Variants in AACS observed in about 807,000 individuals in gnomAD.
AACS encodes acetoacetyl-CoA synthetase.
In AACS, 69 loss-of-function variants were observed where a neutral mutation model predicts 83.1. The ratio of observed to expected loss-of-function variants is 0.83; its 90% CI spans 0.68 to 1.01. AACS has a LOEUF of 1.01. AACS is among the 50% of genes least tolerant of loss of function. AACS has a pLI of 0.00. For synonymous variants in AACS, 333 were observed against 343.4 expected, an observed-to-expected ratio of 0.97 and a Z score of 0.33; for missense variants, 866 against 882.2, an observed-to-expected ratio of 0.98 and a Z score of 0.23.
intron 7 of AACS, among the ~76,000 whole-genome samples, chr12:125,106,031 C>T (rs925905476): frequency 3.3e-5 from 5 of 152,210 alleles, no homozygotes; most frequent in Non-Finnish European, 5.9e-5. Context: ...TTTTAAACCA[C>T]CATGTCTTCC....
intron 5 of AACS, chr12:125,102,464 T>G: frequency 6.2e-6 from 3 of 485,306 alleles, no homozygotes; most frequent in Admixed American, 3.3e-5. Flanking sequence ...CTACTGAAGG[T>G]TTTTGCCATT....
At position 125,094,370 on chromosome 12, in the gene AACS, A is replaced by G. The variant is rs574941537; in HGVS notation, c.570+2847A>G. ...AATTATATTTCTTTGAATCTCAGAG[A>G]ATATCGTAAAGGGAAATTGCCACTC... On this transcript the variant is annotated intron_variant, in intron 5 of 17. Transcript: ENST00000316519. The surrounding 1 kb of genome is among the most constrained non-coding windows in gnomAD (Gnocchi z 4.1). 2.0e-5 allele frequency among the ~76,000 whole-genome samples: 3 copies of G among 152,122 alleles called. No individual in the cohort carries two copies. The highest frequency in any genetic ancestry group is 7.2e-5 in the African/African-American group (3 of 41,406).
Position 125,131,876 on chromosome 12 carries a change from C to T in AACS, c.1550-2127C>T, listed in dbSNP as rs140757817. ...CCTCCCAAAGTGCTGGGATTACAGG[C>T]GTGAGCCACCAGGCCTGACCACTTT... On this transcript the variant is annotated intron_variant, in intron 14 of 17. Coordinates refer to ENST00000316519, the MANE Select transcript of AACS (RefSeq NM_023928.5). Among the ~76,000 whole-genome samples the T allele has an allele frequency of 9.5e-4, 144 of 152,324 alleles. 1 individual carries two copies. The highest frequency in any genetic ancestry group is 3.3e-3 in the African/African-American group (139 of 41,574).
Position 125,129,569 on chromosome 12 carries a change from C to T in AACS, c.1549+109C>T. The T allele has an allele frequency of 7.3e-7, 1 of 1,376,624 alleles. No individual in the cohort carries two copies. 85.3% of individuals were successfully genotyped at this position (1,376,624 alleles called of 1,614,324 possible). On this transcript the variant is annotated intron_variant, in intron 14 of 17. Transcript: ENST00000316519. This position sits in a 1 kb window ranked among gnomAD's most constrained non-coding sequence, Gnocchi z 4.3. ...TCCCCTCTTCCTTCCCCCACCAGGG[C>T]TTGGAGAAGCTGCTTATAGTTCATT...
At chr12:125,124,582 A>G in intron 10 of AACS, 123 bp from the exon 11 acceptor site, 6 of 1,131,738 alleles carry the variant, frequency 5.3e-6, no homozygotes, top group Non-Finnish European at 7.6e-6. Flanking sequence ...TATGAGTTCA[A>G]CCCAGAAAAC....
In AACS at chr12:125,130,290, T is replaced by G. The variant is rs997794925; in HGVS notation, c.1549+830T>G. Among the ~76,000 whole-genome samples, 4 of 152,266 alleles carry G rather than the reference T, an allele frequency of 2.6e-5. No homozygotes were observed. The highest frequency in any genetic ancestry group is 4.4e-5 in the Non-Finnish European group (3 of 68,054). ...AGCCATTGTGCCTGGAATAGTGCCTTCCTGCAGCAGCGTGGGGCATCCCCC... is the reference window on the plus strand; with the variant it reads ...AGCCATTGTGCCTGGAATAGTGCCTGCCTGCAGCAGCGTGGGGCATCCCCC... On this transcript the variant is annotated intron_variant, in intron 14 of 17. Transcript: ENST00000316519. This position sits in a 1 kb window ranked among gnomAD's most constrained non-coding sequence, Gnocchi z 4.9.
In AACS at chr12:125,142,377, T is replaced by C. The variant is rs1005992072; in HGVS notation, c.*148T>C. The C allele has an allele frequency of 1.2e-5, 14 of 1,160,646 alleles. No homozygotes were observed. The highest frequency in any genetic ancestry group is 2.8e-5 in the Admixed American group (1 of 35,724). 71.9% of individuals were successfully genotyped at this position (1,160,646 alleles called of 1,614,324 possible). ...CTTGGGGAGGGATCGTTTCTCTGTT[T>C]TGTTAAATCTGGTGGGTACCTGGAT... On this transcript the variant is annotated 3_prime_UTR_variant, in exon 18 of 18. Coordinates refer to ENST00000316519, the MANE Select transcript of AACS (RefSeq NM_023928.5).
In AACS at chr12:125,129,508, G is replaced by A; in HGVS notation, c.1549+48G>A. On this transcript the variant is annotated intron_variant, in intron 14 of 17. Transcript: ENST00000316519. The surrounding 1 kb of genome is among the most constrained non-coding windows in gnomAD (Gnocchi z 4.3). ...GAGCTGGCCAGCCTCTGCCTTGGCT[G>A]GGCCTTCTGTGTCTAATTCTGTACC... is the stretch of plus-strand genomic sequence containing the variant. 6.3e-7 allele frequency: 1 copy of A among 1,596,968 alleles called. No homozygotes were observed. The highest frequency in any genetic ancestry group is 8.5e-7 in the Non-Finnish European group (1 of 1,171,996).
chr12:125,101,164 G>C (rs1339326680), intron 5 of AACS: 1 of 152,222 alleles, frequency 6.6e-6, no homozygotes, highest in Non-Finnish European at 1.5e-5. Flanking sequence ...ATGGCCAGGA[G>C]GGAAGTGAAT....
intron 14 of AACS, among the ~76,000 whole-genome samples, chr12:125,132,559 A>G (rs1957343258): frequency 6.6e-6 from 1 of 151,696 alleles, no homozygotes; most frequent in African/African-American, 2.4e-5. Context: ...AGGCACATCC[A>G]TTGCAAGCCT....
chr12:125,109,385 G>A (rs1010691672), intron 8 of AACS, among the ~76,000 whole-genome samples: 20 of 152,150 alleles, frequency 1.3e-4, no homozygotes, highest in Admixed American at 7.9e-4. Context: ...CTGAGTGCTG[G>A]AATTACAGGC....
At chr12:125,090,241 C>G (rs1296119159) in intron 4 of AACS, among the ~76,000 whole-genome samples, 8 of 151,484 alleles carry the variant, frequency 5.3e-5, no homozygotes, top group African/African-American at 1.9e-4. Flanking sequence ...TATGCTTCCA[C>G]CCATCATCTA....
chr12:125,073,347 A>G (rs1332339135), intron 1 of AACS, among the ~76,000 whole-genome samples: 1 of 152,226 alleles, frequency 6.6e-6, no homozygotes, highest in Admixed American at 6.5e-5. Context: ...TCAACAGACT[A>G]CCAGTTTTGA....
At chr12:125,132,270 A>G (rs1957339127) in intron 14 of AACS, among the ~76,000 whole-genome samples, 1 of 152,240 alleles carries the variant, frequency 6.6e-6, no homozygotes, top group African/African-American at 2.4e-5. Context: ...ACATTTCTTC[A>G]GAGTGGATTT....
intron 3 of AACS, among the ~76,000 whole-genome samples, chr12:125,079,508 A>G (rs1029916944): frequency 5.3e-5 from 8 of 151,916 alleles, no homozygotes; most frequent in African/African-American, 1.9e-4. Flanking sequence ...TAGCCTCCTG[A>G]GTAGCTGGGA....
intron 1 of AACS, among the ~76,000 whole-genome samples, chr12:125,070,459 A>G (rs1368674680): frequency 6.6e-6 from 1 of 152,186 alleles, no homozygotes; most frequent in East Asian, 1.9e-4. Context: ...TGATCATGCC[A>G]CTGCACTCCA....
intron 10 of AACS, chr12:125,122,043 G>A (rs1256440587): frequency 6.6e-6 from 1 of 152,348 alleles, no homozygotes; most frequent in African/African-American, 2.4e-5. Flanking sequence ...GAGTCCTCGA[G>A]AGGTCTTGGC....
At chr12:125,112,950 A>G (rs1351896552) in intron 8 of AACS, among the ~76,000 whole-genome samples, 1 of 152,224 alleles carries the variant, frequency 6.6e-6, no homozygotes, top group Non-Finnish European at 1.5e-5. Context: ...ATTATCTCCC[A>G]CCTTGTCCCT....
intron 5 of AACS, among the ~76,000 whole-genome samples, chr12:125,092,036 G>C (rs1592962453): frequency 6.6e-6 from 1 of 152,330 alleles, no homozygotes; most frequent in African/African-American, 2.4e-5. Context: ...GGTGTGTCCA[G>C]CTGCCCAGAG....
Sources: allele counts gnomAD v4.1 joint callset (sites outside exome capture counted in the v4.1 genomes callset), GRCh38; gene constraint gnomAD v4.1.1; non-coding constraint Gnocchi (gnomAD v3.1); transcripts MANE v1.5; gene names NCBI Gene and HGNC (gene_info 2026-07-23, HGNC 2026-07-21).